Variants in KAT6A observed in about 807,000 individuals in gnomAD.
The protein encoded by KAT6A is lysine acetyltransferase 6A.
In KAT6A, 9 loss-of-function variants were observed where a neutral mutation model predicts 198.4. The observed-to-expected ratio is 0.05, with a 90% CI of 0.03 to 0.08. KAT6A has a LOEUF of 0.08. Ranked by LOEUF, KAT6A falls within the 10% of genes least tolerant of loss-of-function variation. KAT6A has a pLI of 1.00. For synonymous variants in KAT6A, 890 were observed against 883.0 expected, an observed-to-expected ratio of 1.01 and a Z score of -0.14; for missense variants, 2,077 against 2,509.9, an observed-to-expected ratio of 0.83 and a Z score of 3.69.
chr8:41,974,926 C>A (rs567784363), intron 7 of KAT6A, 104 bp from the exon 8 acceptor site: 1 of 632,782 alleles, frequency 1.6e-6, no homozygotes. Flanking sequence ...TAATATATAA[C>A]GAAGAATATA....
intron 1 of KAT6A, among the ~76,000 whole-genome samples, chr8:42,051,362 C>T (rs556665930): frequency 3.9e-5 from 6 of 151,956 alleles, no homozygotes; most frequent in East Asian, 3.9e-4. Context: ...CAGCCCCGCT[C>T]GGATCCCCGC....
intron 1 of KAT6A, 144 bp from the exon 2 acceptor site, chr8:42,049,446 A>C (rs1802485800): frequency 1.1e-5 from 2 of 182,998 alleles, no homozygotes; most frequent in East Asian, 1.9e-4. Flanking sequence ...ATATTCCAAA[A>C]CAATCATGTA....
intron 2 of KAT6A, among the ~76,000 whole-genome samples, chr8:42,039,177 ATTC>A (rs1827517501): frequency 6.6e-6 from 1 of 152,198 alleles, no homozygotes; most frequent in Non-Finnish European, 1.5e-5. Flanking sequence ...TCCTGGTCTA[ATTC>A]ATTCGCTGCA....
At chr8:41,998,812 T>G (rs1463269113) in intron 2 of KAT6A, among the ~76,000 whole-genome samples, 1 of 152,060 alleles carries the variant, frequency 6.6e-6, no homozygotes, top group Non-Finnish European at 1.5e-5. Context: ...GGATAAGCTG[T>G]TCTCAAAAGT....
intron 8 of KAT6A, among the ~76,000 whole-genome samples, chr8:41,971,872 T>A (rs903672363): frequency 1.3e-5 from 2 of 151,496 alleles, no homozygotes; most frequent in Non-Finnish European, 2.9e-5. Context: ...GATTTGCTGA[T>A]GGACTGAATG....
intron 2 of KAT6A, among the ~76,000 whole-genome samples, chr8:42,033,106 C>G (rs1827207612): frequency 6.6e-6 from 1 of 151,970 alleles, no homozygotes; most frequent in Non-Finnish European, 1.5e-5. Flanking sequence ...AACTCCTGAC[C>G]TCATGATCTG....
At chr8:41,986,020 A>C (rs1430008744) in intron 3 of KAT6A, among the ~76,000 whole-genome samples, 1 of 152,054 alleles carries the variant, frequency 6.6e-6, no homozygotes, top group Admixed American at 6.5e-5. Flanking sequence ...AGCTCACCAC[A>C]ACCTCTGCCT....
chr8:42,002,049 T>C (rs1404771799), intron 2 of KAT6A, among the ~76,000 whole-genome samples: 4 of 152,234 alleles, frequency 2.6e-5, no homozygotes, highest in Non-Finnish European at 5.9e-5. Flanking sequence ...CTTCCTCCTC[T>C]TAATAGCCAG....
chr8:41,960,333 A>G (rs1207596026), intron 8 of KAT6A, among the ~76,000 whole-genome samples: 2 of 152,040 alleles, frequency 1.3e-5, no homozygotes, highest in Non-Finnish European at 2.9e-5. Context: ...TAATCCCAGC[A>G]CTTTGGGAGG....
chr8:41,997,967 C>T (rs2150900462), intron 2 of KAT6A, among the ~76,000 whole-genome samples: 1 of 152,226 alleles, frequency 6.6e-6, no homozygotes, highest in East Asian at 1.9e-4. Flanking sequence ...GGACTATTTT[C>T]AGGCATGGTA....
At chr8:41,987,794 C>A (rs1399176324) in intron 2 of KAT6A, among the ~76,000 whole-genome samples, 1 of 152,168 alleles carries the variant, frequency 6.6e-6, no homozygotes, top group Non-Finnish European at 1.5e-5. Context: ...AATCCTATCC[C>A]AGTCATGTTC....
chr8:42,043,244 C>CT (rs1827752673), intron 2 of KAT6A, among the ~76,000 whole-genome samples: 1 of 152,142 alleles, frequency 6.6e-6, no homozygotes, highest in African/African-American at 2.4e-5. Context: ...AATTACCTTA[C>CT]AGTAATATCT....
intron 2 of KAT6A, among the ~76,000 whole-genome samples, chr8:42,014,960 T>C (rs1323804119): frequency 2.6e-5 from 4 of 152,196 alleles, no homozygotes; most frequent in Admixed American, 2.0e-4. Flanking sequence ...ATGGGTTCAG[T>C]TCTCTAAGGA....
In KAT6A at chr8:41,957,374, G is replaced by T. The variant is rs1822975935; in HGVS notation, c.1483-1963C>A. The T allele has an allele frequency of 3.1e-5, 15 of 481,042 alleles. No individual in the cohort carries two copies. In the Admixed American group the frequency reaches 3.5e-4, roughly 11 times the overall value. 29.8% of individuals were successfully genotyped at this position (481,042 alleles called of 1,614,324 possible). On this transcript the variant is annotated intron_variant, in intron 8 of 16. Coordinates refer to ENST00000265713, the MANE Select transcript of KAT6A (RefSeq NM_006766.5). ...ATCAGCAAGGCTCTCTACACAGGGA[G>T]GAAGAAATGGCTACACAGAAACCAC...
At chr8:42,013,265 T>TC (rs893132109) in intron 2 of KAT6A, among the ~76,000 whole-genome samples, 2 of 151,582 alleles carry the variant, frequency 1.3e-5, no homozygotes, top group African/African-American at 4.8e-5. Flanking sequence ...TCTTTCTTTT[T>TC]TTTTTTTTTT....
rs1587719530 is a variant in KAT6A at position 41,941,220 on chromosome 8, G to A, written c.2661C>T (p.Leu887=). ...ERFGDKDSKL[L]LEETSSAPQE... is the part of the protein sequence containing the mutation. Reference sequence around the variant, plus strand: ...GAGGAGCTGAAGACGTCTCTTCCAAGAGCAGTTTAGAATCTTTATCACCAA... The same window carrying A: ...GAGGAGCTGAAGACGTCTCTTCCAAAAGCAGTTTAGAATCTTTATCACCAA... The change falls in exon 15 of 17, where the codon CTC becomes CTT. Residue 887 remains leucine (L), a synonymous_variant. Transcript: ENST00000265713. The A allele has an allele frequency of 1.2e-6, 2 of 1,614,076 alleles. No homozygotes were observed. The highest frequency in any genetic ancestry group is 1.7e-6 in the Non-Finnish European group (2 of 1,180,016).
intron 8 of KAT6A, among the ~76,000 whole-genome samples, chr8:41,972,660 C>T (rs1362408124): frequency 6.6e-6 from 1 of 152,134 alleles, no homozygotes; most frequent in Non-Finnish European, 1.5e-5. Flanking sequence ...AGGAACTGTT[C>T]CCAATTGGAA....
chr8:42,048,094 T>A (rs1036633321), intron 2 of KAT6A, among the ~76,000 whole-genome samples: 7 of 151,822 alleles, frequency 4.6e-5, no homozygotes, highest in African/African-American at 7.3e-5. Flanking sequence ...AAAAAAAATT[T>A]AAAAAAAAGT....
chr8:41,976,723 G>A (rs996490825), intron 7 of KAT6A, among the ~76,000 whole-genome samples: 12 of 151,970 alleles, frequency 7.9e-5, no homozygotes, highest in African/African-American at 2.7e-4. Context: ...AATCCTCAAG[G>A]TTACACCCCA....
Sources: gnomAD v4.1 joint callset for allele counts (sites outside exome capture counted in the v4.1 genomes callset) on GRCh38, gnomAD v4.1.1 for gene constraint, MANE v1.5 for transcripts, NCBI Gene and HGNC (gene_info 2026-07-23, HGNC 2026-07-21) for gene names.